The following VWCE variants were observed in gnomAD, a reference collection of about 807,000 sequenced individuals.
VWCE encodes von Willebrand factor C and EGF domain-containing protein.
In VWCE, 68 loss-of-function variants were observed where a neutral mutation model predicts 102.9. The observed-to-expected ratio is 0.66, with a 90% CI of 0.54 to 0.81. The LOEUF (loss-of-function observed/expected upper bound fraction) is 0.81. Among genes scored for constraint, VWCE ranks in the 30% least tolerant of loss-of-function variants. The pLI is 0.00. For missense variants in VWCE, 1,137 were observed against 1,263.6 expected (o/e 0.90, Z 1.52); for synonymous variants, 497 against 515.4 (o/e 0.96, Z 0.48).
intron 13 of VWCE, 78 bp from the exon 14 acceptor site, chr11:61,271,838 C>T: frequency 1.6e-6 from 2 of 1,218,258 alleles, no homozygotes; most frequent in South Asian, 2.6e-5. Context: ...GCCTCATGCG[C>T]ACAAACACAC....
At chr11:61,264,609 C>T in intron 18 of VWCE, 32 bp from the exon 19 acceptor site, 1 of 1,582,512 alleles carries the variant, frequency 6.3e-7, no homozygotes, top group Non-Finnish European at 8.6e-7. Context: ...CATGAGGAAG[C>T]CCAGAGCATC....
rs1025855930 is a variant in VWCE at position 61,287,817 on chromosome 11, G to T, written c.425-1387C>A. ...TGAGGCCCAGAGTAGCTGAAGCTTG[G>T]GTTCCTTTTGAGGCAGCAGGAGACA... On this transcript the variant is annotated intron_variant, in intron 4 of 19. Coordinates refer to ENST00000335613, the MANE Select transcript of VWCE (RefSeq NM_152718.2). Among the ~76,000 whole-genome samples the T allele has an allele frequency of 2.0e-5, 3 of 152,126 alleles. No homozygotes were observed. The South Asian group carries it at 6.2e-4, about 32-fold the overall frequency.
chr11:61,265,042 T>C lies in VWCE; in HGVS notation c.2057-4A>G, dbSNP rs181142643. 662 of 1,613,910 alleles carry C rather than the reference T, an allele frequency of 4.1e-4. 5 individuals carry two copies. In the African/African-American group the frequency reaches 7.0e-3, roughly 17 times the overall value. Reference sequence around the variant, plus strand: ...TTCCTTCCCTCGTAGTTGCAGTCTGTGGAGGAAGGGGAGACAGGAGCCCAT... The same window carrying C: ...TTCCTTCCCTCGTAGTTGCAGTCTGCGGAGGAAGGGGAGACAGGAGCCCAT... On this transcript the variant is annotated splice_region_variant and splice_polypyrimidine_tract_variant and intron_variant, in intron 17 of 19. Coordinates refer to ENST00000335613, the MANE Select transcript of VWCE (RefSeq NM_152718.2).
intron 4 of VWCE, among the ~76,000 whole-genome samples, chr11:61,287,580 GT>G (rs1333685711): frequency 6.6e-6 from 1 of 152,226 alleles, no homozygotes; most frequent in Admixed American, 6.5e-5. Flanking sequence ...GATGTTCACG[GT>G]CTGATAACAC....
intron 5 of VWCE, among the ~76,000 whole-genome samples, chr11:61,285,406 C>T (rs1855286091): frequency 6.6e-6 from 1 of 152,120 alleles, no homozygotes. Flanking sequence ...GATCTCTCAT[C>T]CTGCAAACTG....
intron 19 of VWCE, among the ~76,000 whole-genome samples, chr11:61,262,332 T>C (rs1384407693): frequency 6.6e-6 from 1 of 152,112 alleles, no homozygotes; most frequent in African/African-American, 2.4e-5. Context: ...GGATAGGAAA[T>C]AAGAGAGACC....
At chr11:61,292,803 G>A (rs941853229) in intron 1 of VWCE, among the ~76,000 whole-genome samples, 2 of 152,110 alleles carry the variant, frequency 1.3e-5, no homozygotes, top group African/African-American at 2.4e-5. Context: ...GTGGAGCCCT[G>A]AGGAGGGTCA....
chr11:61,273,389 C>T, intron 12 of VWCE, 73 bp from the exon 13 acceptor site: 4 of 1,400,016 alleles, frequency 2.9e-6, no homozygotes, highest in Non-Finnish European at 3.9e-6. Flanking sequence ...TAGAGGAGGC[C>T]GCAGGCTGCC....
chr11:61,291,239 T>C (rs1830693195), intron 3 of VWCE, 25 bp downstream of exon 3: 2 of 1,548,550 alleles, frequency 1.3e-6, no homozygotes, highest in Admixed American at 3.8e-5. Flanking sequence ...TCTGTTCCCA[T>C]CAGCCCCTTC....
intron 4 of VWCE, among the ~76,000 whole-genome samples, chr11:61,288,775 T>G (rs1283924244): frequency 6.6e-6 from 1 of 151,824 alleles, no homozygotes; most frequent in African/African-American, 2.4e-5. Flanking sequence ...TTGAGACCCT[T>G]GGACCCAACA....
In VWCE at chr11:61,281,073, C is replaced by T. The variant is rs199639781; in HGVS notation, c.950G>A (p.Arg317His). The T allele has an allele frequency of 2.7e-5, 43 of 1,603,138 alleles. No homozygotes were observed. The highest frequency in any genetic ancestry group is 1.7e-4 in the Middle Eastern group (1 of 5,972). The change falls in exon 8 of 20, where the codon CGC becomes CAC. Residue 317 changes from arginine to histidine, a missense_variant. This residue lies in a region of VWCE where 575 missense variants were observed against 625.9 expected (regional missense o/e 0.92). Transcript: ENST00000335613. Reference sequence around the variant, plus strand: ...TAGTCGTGGGGTGGGAGATGGCAGGCGGGTGGTCCTGACTCCGGCTGGGGG... The same window carrying T: ...TAGTCGTGGGGTGGGAGATGGCAGGTGGGTGGTCCTGACTCCGGCTGGGGG... ...PGPPAGVRTTRLPSPTPRLPT... is the reference protein window; with the variant it reads ...PGPPAGVRTTHLPSPTPRLPT...
chr11:61,285,500 T>C (rs560237381), intron 5 of VWCE, among the ~76,000 whole-genome samples: 3 of 152,184 alleles, frequency 2.0e-5, no homozygotes, highest in African/African-American at 7.2e-5. Flanking sequence ...CCCATCAGAC[T>C]TGGGGGATCC....
intron 15 of VWCE, among the ~76,000 whole-genome samples, chr11:61,267,855 G>A (rs1178681210): frequency 2.0e-5 from 3 of 151,968 alleles, no homozygotes; most frequent in Non-Finnish European, 2.9e-5. Context: ...TGGGAAATAC[G>A]AGGTGTGTGT....
chr11:61,293,831 T>C (rs1770851517), intron 1 of VWCE, among the ~76,000 whole-genome samples: 1 of 151,988 alleles, frequency 6.6e-6, no homozygotes, highest in South Asian at 2.1e-4. Context: ...CACACAAAAG[T>C]CTGAGGAAAG....
At chr11:61,277,277 T>G (rs1482733345) in intron 10 of VWCE, among the ~76,000 whole-genome samples, 1 of 151,974 alleles carries the variant, frequency 6.6e-6, no homozygotes, top group Non-Finnish European at 1.5e-5. Flanking sequence ...GATTTCACAC[T>G]GCAGCATCCA....
intron 4 of VWCE, among the ~76,000 whole-genome samples, chr11:61,290,094 C>T (rs1189642558): frequency 6.6e-6 from 1 of 152,230 alleles, no homozygotes; most frequent in Admixed American, 6.5e-5. Flanking sequence ...CCCTGGCCAA[C>T]CCTCCCAACT....
At position 61,259,113 on chromosome 11, in the gene VWCE, T is replaced by C. The variant is rs1277472013; in HGVS notation, c.2430A>G (p.Thr810=). The C allele has an allele frequency of 1.9e-6, 3 of 1,614,100 alleles. No individual in the cohort carries two copies. The highest frequency in any genetic ancestry group is 1.7e-5 in the Admixed American group (1 of 60,020). ...CTGCCGGGCTTGTAGGTAAAGTCTG[T>C]GTTTTCATCAAGTTCGTTCTTAAAA... ...QLLLRTNLMK[T]QTLPTSPAGA... The change falls in exon 20 of 20, where the codon ACA becomes ACG. Residue 810 remains threonine (T), a synonymous_variant. Coordinates refer to ENST00000335613, the MANE Select transcript of VWCE (RefSeq NM_152718.2).
In VWCE at chr11:61,273,416, GCTACTCAA is replaced by G. The variant is rs1854799495; in HGVS notation, c.1582-108_1582-101del. On this transcript the variant is annotated intron_variant, in intron 12 of 19. Transcript: ENST00000335613. ...CAGGCTGCCTGCCATCACCCTCCCG[GCTACTCAA>G]GTGAAACTGACAAAGAAATCTACTA... The G allele has an allele frequency of 1.4e-5, 16 of 1,119,812 alleles. 3 individuals carry two copies. The South Asian group carries it at 2.5e-4, about 17-fold the overall frequency. 69.4% of individuals were successfully genotyped at this position (1,119,812 alleles called of 1,614,324 possible).
In VWCE at chr11:61,258,998, AAGGCCCTGGTGAGAGTCGAGGGG is replaced by A; in HGVS notation, c.2522_2544del (p.Ser841PhefsTer79). On this transcript the variant is annotated frameshift_variant, in exon 20 of 20. Coordinates refer to ENST00000335613, the MANE Select transcript of VWCE (RefSeq NM_152718.2). LOFTEE classifies it low-confidence loss of function (END_TRUNC). ...AGAGTGGGGGCTCCTGGAGGGGTCG[AAGGCCCTGGTGAGAGTCGAGGGG>A]AGGCCCCAGGCTCCCCTGGGAAAGT... The A allele has an allele frequency of 1.9e-6, 3 of 1,612,174 alleles. No homozygotes were observed. The South Asian group carries it at 3.3e-5, about 18-fold the overall frequency.
Sources: gnomAD v4.1 joint callset for allele counts (sites outside exome capture counted in the v4.1 genomes callset) on GRCh38, gnomAD v4.1.1 for gene constraint, gnomAD v4.1.1 regional missense constraint, MANE v1.5 for transcripts, NCBI Gene and HGNC (gene_info 2026-07-23, HGNC 2026-07-21) for gene names.